Variants in ADD3 observed in about 807,000 individuals in gnomAD.
The protein encoded by ADD3 is adducin 3.
Under a neutral mutation model 80.2 loss-of-function variants are expected in ADD3, and 25 were observed. The observed-to-expected ratio is 0.31, with a 90% CI of 0.23 to 0.44. The LOEUF is 0.44. ADD3 is among the 20% of genes least tolerant of loss of function. ADD3 has a pLI of 1.00. For missense variants in ADD3, 829 were observed against 847.5 expected, an observed-to-expected ratio of 0.98 and a Z score of 0.27; for synonymous variants, 284 against 289.6, an observed-to-expected ratio of 0.98 and a Z score of 0.20.
intron 1 of ADD3, among the ~76,000 whole-genome samples, chr10:110,058,036 T>A (rs567305221): frequency 1.7e-4 from 26 of 152,214 alleles, no homozygotes; most frequent in Non-Finnish European, 2.9e-4. Context: ...ACAAAATGAT[T>A]TTCCCACTGA....
chr10:110,063,726 ATATATATT>A (rs1843484289), intron 1 of ADD3, among the ~76,000 whole-genome samples: 1 of 115,014 alleles, frequency 8.7e-6, no homozygotes, highest in African/African-American at 3.2e-5. Flanking sequence ...GAATATGAAT[ATATATATT>A]CATTATATAT....
At chr10:110,013,171 C>G (rs911310682) in intron 1 of ADD3, among the ~76,000 whole-genome samples, 8 of 152,078 alleles carry the variant, frequency 5.3e-5, no homozygotes, top group African/African-American at 1.9e-4. Context: ...GGTGTGACCT[C>G]GGCACACTGC....
At chr10:110,074,972 G>A (rs956770110) in intron 1 of ADD3, among the ~76,000 whole-genome samples, 1 of 152,294 alleles carries the variant, frequency 6.6e-6, no homozygotes, top group African/African-American at 2.4e-5. Context: ...CCCTGAAACA[G>A]GCGTGTATGT....
rs1015365153 is a variant in ADD3, at chr10:110,008,119, T to A, written c.-210T>A. 5.9e-5 allele frequency: 9 copies of A among 152,322 alleles called. No homozygotes were observed. The highest frequency in any genetic ancestry group is 2.2e-4 in the African/African-American group (9 of 41,462). The allele number at this position is 152,322 out of a possible 1,614,324, so 9.4% of individuals were successfully genotyped here. A position where few individuals can be genotyped will look rare whatever the true frequency, so the allele number is the denominator to read the frequency against. On this transcript the variant is annotated 5_prime_UTR_variant, in exon 1 of 15. Transcript: ENST00000356080. ...CATCCCAGGTGTCGCCGCTTCCTGC[T>A]GCACAGGGCTCGGCGTACAGGTCCC... is the stretch of plus-strand genomic sequence containing the variant.
chr10:110,099,078 C>T lies in ADD3; in HGVS notation c.-29-1547C>T, dbSNP rs577502426. ...AGGACTACAGGTGCATGCCAACACGCCTGGCTTTTTTTTTTTTTTTTAATT... is the reference window on the plus strand; with the variant it reads ...AGGACTACAGGTGCATGCCAACACGTCTGGCTTTTTTTTTTTTTTTTAATT... On this transcript the variant is annotated intron_variant, in intron 1 of 14. Coordinates refer to ENST00000356080, the MANE Select transcript of ADD3 (RefSeq NM_016824.5). Among the ~76,000 whole-genome samples the T allele has an allele frequency of 8.0e-4, 116 of 145,770 alleles. 1 individual carries two copies. In the East Asian group the frequency reaches 0.022, roughly 27 times the overall value.
intron 4 of ADD3, among the ~76,000 whole-genome samples, chr10:110,117,062 A>ATTTATT (rs1850828593): frequency 6.6e-6 from 1 of 152,146 alleles, no homozygotes; most frequent in Admixed American, 6.5e-5. Context: ...TAATATTAGC[A>ATTTATT]TTTATTTTTC....
chr10:110,116,654 T>G (rs1850765571), intron 4 of ADD3, among the ~76,000 whole-genome samples: 1 of 152,254 alleles, frequency 6.6e-6, no homozygotes, highest in Admixed American at 6.5e-5. Context: ...CTGTAGAATC[T>G]ATCCAGGAAG....
chr10:110,053,294 A>AT (rs756262727), intron 1 of ADD3, among the ~76,000 whole-genome samples: 4 of 151,676 alleles, frequency 2.6e-5, no homozygotes, highest in Non-Finnish European at 5.9e-5. Context: ...TATAATGTGG[A>AT]TTTTTTTGTT....
At chr10:110,045,302 C>T (rs994312968) in intron 1 of ADD3, among the ~76,000 whole-genome samples, 5 of 151,818 alleles carry the variant, frequency 3.3e-5, no homozygotes, top group African/African-American at 4.8e-5. Flanking sequence ...TGCAGTGAGC[C>T]GAGATTGTGC....
chr10:110,096,819 T>G (rs1193676866), intron 1 of ADD3, among the ~76,000 whole-genome samples: 1 of 152,110 alleles, frequency 6.6e-6, no homozygotes, highest in Non-Finnish European at 1.5e-5. Context: ...CAGGGAAGCA[T>G]GGAAGAATTC....
chr10:110,019,322 A>G (rs183957733), intron 1 of ADD3, among the ~76,000 whole-genome samples: 1 of 150,042 alleles, frequency 6.7e-6, no homozygotes, highest in African/African-American at 2.5e-5. Flanking sequence ...CTGTAACTCT[A>G]TTCAAGACAT....
chr10:110,087,593 G>A (rs552600173), intron 1 of ADD3, among the ~76,000 whole-genome samples: 2 of 152,284 alleles, frequency 1.3e-5, no homozygotes, highest in South Asian at 2.1e-4. Context: ...GTTGGCAAAG[G>A]TCATGCCATT....
intron 3 of ADD3, among the ~76,000 whole-genome samples, chr10:110,115,846 C>T (rs1397067378): frequency 6.6e-6 from 1 of 152,176 alleles, no homozygotes; most frequent in Admixed American, 6.5e-5. Flanking sequence ...TTTTCCATCT[C>T]AAATGTTTTT....
At chr10:110,003,321 G>GTGTGTGTGTGTGTGTGTGTC (rs1851525157), upstream of ADD3, among the ~76,000 whole-genome samples, 2 of 152,040 alleles carry the variant, frequency 1.3e-5, no homozygotes, top group South Asian at 4.2e-4. Flanking sequence ...GTGTGTGTGT[G>GTGTGTGTGTGTGTGTGTGTC]TGTGTCTGTG....
chr10:110,001,924 T>C (rs1203081362), upstream of ADD3, among the ~76,000 whole-genome samples: 2 of 152,252 alleles, frequency 1.3e-5, no homozygotes, highest in Non-Finnish European at 2.9e-5. Context: ...AAGATGTATA[T>C]GCAACTAACG....
At chr10:110,046,229 G>T (rs1053334170) in intron 1 of ADD3, among the ~76,000 whole-genome samples, 10 of 152,046 alleles carry the variant, frequency 6.6e-5, no homozygotes, top group Admixed American at 1.3e-4. Flanking sequence ...AATAAATACA[G>T]TACAGTACCG....
upstream of ADD3, among the ~76,000 whole-genome samples, chr10:110,001,178 G>A (rs1851476942): frequency 6.6e-6 from 1 of 152,156 alleles, no homozygotes; most frequent in African/African-American, 2.4e-5. Flanking sequence ...ACTTTGGGAA[G>A]CCGAGGTGGG....
At chr10:110,022,823 A>G (rs913230416) in intron 1 of ADD3, among the ~76,000 whole-genome samples, 2 of 152,118 alleles carry the variant, frequency 1.3e-5, no homozygotes, top group African/African-American at 2.4e-5. Flanking sequence ...GCTTTAGAGA[A>G]TCCAGTAGCA....
At chr10:110,007,914 G>A (rs1396203027), upstream of ADD3, 1 of 149,614 alleles carries the variant, frequency 6.7e-6, no homozygotes, top group Non-Finnish European at 1.5e-5. Flanking sequence ...GGGGGCGCTT[G>A]GGGACCTAGG....
Sources: gnomAD v4.1 joint callset for allele counts (sites outside exome capture counted in the v4.1 genomes callset) on GRCh38, gnomAD v4.1.1 for gene constraint, MANE v1.5 for transcripts, NCBI Gene and HGNC (gene_info 2026-07-23, HGNC 2026-07-21) for gene names.